The following RARB variants were observed in gnomAD, a reference collection of about 807,000 sequenced individuals.
The protein encoded by RARB is HBV-activated protein.
In RARB, 17 loss-of-function variants were observed where a neutral mutation model predicts 51.9. The observed-to-expected ratio is 0.33, with a 90% CI of 0.22 to 0.49. RARB has a LOEUF of 0.49. Among genes scored for constraint, RARB ranks in the 20% least tolerant of loss-of-function variants. The pLI is 0.99. For missense variants in RARB, 369 were observed against 550.8 expected, an observed-to-expected ratio of 0.67 and a Z score of 3.30; for synonymous variants, 215 against 195.4, an observed-to-expected ratio of 1.10 and a Z score of -0.84.
At chr3:25,427,232 C>T (rs372591667), upstream of RARB, among the ~76,000 whole-genome samples, 15 of 152,226 alleles carry the variant, frequency 9.9e-5, no homozygotes, top group African/African-American at 3.6e-4. Flanking sequence ...GGTCTCATCT[C>T]CCCGGGGTTT....
chr3:25,271,078 A>G (rs1473840375), intron 5 of RARB, among the ~76,000 whole-genome samples: 1 of 152,188 alleles, frequency 6.6e-6, no homozygotes, highest in Non-Finnish European at 1.5e-5. Context: ...TAGCATTGGC[A>G]ATTAGAACAT....
At chr3:25,296,064 A>C (rs1174112298) in intron 5 of RARB, among the ~76,000 whole-genome samples, 1 of 152,198 alleles carries the variant, frequency 6.6e-6, no homozygotes, top group Non-Finnish European at 1.5e-5. Context: ...TCAACTGTCT[A>C]AGCAAAGTAT....
intron 2 of RARB, among the ~76,000 whole-genome samples, chr3:24,914,883 G>C (rs895639217): frequency 1.3e-5 from 2 of 152,210 alleles, no homozygotes; most frequent in African/African-American, 4.8e-5. Context: ...TTAACCACCT[G>C]TGCACTATAA....
At chr3:25,210,026 T>G (rs187377436) in intron 5 of RARB, among the ~76,000 whole-genome samples, 20 of 152,318 alleles carry the variant, frequency 1.3e-4, no homozygotes, top group Non-Finnish European at 2.2e-4. Context: ...CCACAAGACA[T>G]TCTCAGGTGT....
At chr3:24,918,681 A>C (rs894920643) in intron 2 of RARB, among the ~76,000 whole-genome samples, 1 of 152,136 alleles carries the variant, frequency 6.6e-6, no homozygotes, top group African/African-American at 2.4e-5. Flanking sequence ...TCAGGAGTTC[A>C]AGACCATCCT....
At chr3:25,082,939 C>T (rs1035905657) in intron 3 of RARB, among the ~76,000 whole-genome samples, 4 of 152,006 alleles carry the variant, frequency 2.6e-5, no homozygotes, top group African/African-American at 7.2e-5. Context: ...GTTGGATATA[C>T]AGCTCCAGCT....
intron 5 of RARB, among the ~76,000 whole-genome samples, chr3:25,381,135 G>C (rs1466098226): frequency 6.6e-6 from 1 of 152,130 alleles, no homozygotes; most frequent in East Asian, 1.9e-4. Flanking sequence ...ACAGGGTATA[G>C]GCAAATGAGA....
chr3:25,413,785 C>T (rs1351600176), intron 5 of RARB, among the ~76,000 whole-genome samples: 2 of 152,124 alleles, frequency 1.3e-5, no homozygotes, highest in African/African-American at 4.8e-5. Context: ...GGCTTGTTGG[C>T]ATTGAGCTGC....
At chr3:25,328,828 T>C (rs1013462039) in intron 5 of RARB, among the ~76,000 whole-genome samples, 1 of 152,186 alleles carries the variant, frequency 6.6e-6, no homozygotes, top group African/African-American at 2.4e-5. Context: ...GCCACCCTAA[T>C]ACTGTGCTTT....
At chr3:25,124,347 C>T (rs1699830049) in intron 3 of RARB, among the ~76,000 whole-genome samples, 3 of 152,184 alleles carry the variant, frequency 2.0e-5, no homozygotes, top group African/African-American at 7.2e-5. Context: ...GCATTTCAGC[C>T]TGAGTGACAG....
At chr3:25,233,129 C>T (rs1317223877) in intron 5 of RARB, among the ~76,000 whole-genome samples, 2 of 151,732 alleles carry the variant, frequency 1.3e-5, no homozygotes, top group African/African-American at 4.8e-5. Context: ...GCACGTGCCA[C>T]CATACCTGGC....
At chr3:25,087,730 A>C (rs1166374731) in intron 3 of RARB, among the ~76,000 whole-genome samples, 1 of 152,094 alleles carries the variant, frequency 6.6e-6, no homozygotes, top group African/African-American at 2.4e-5. Flanking sequence ...TACAGGTACG[A>C]ACAATTTTTG....
chr3:25,480,909 G>A (rs983455037), intron 2 of RARB, among the ~76,000 whole-genome samples: 4 of 152,096 alleles, frequency 2.6e-5, no homozygotes, highest in African/African-American at 7.2e-5. Flanking sequence ...TCAAAGGATC[G>A]ATTAATTGAT....
At chr3:25,385,200 C>T (rs541680760) in intron 5 of RARB, among the ~76,000 whole-genome samples, 44 of 152,314 alleles carry the variant, frequency 2.9e-4, no homozygotes, top group African/African-American at 1.0e-3. Flanking sequence ...AAGATTCAGA[C>T]TATTCCCTTT....
intron 5 of RARB, among the ~76,000 whole-genome samples, chr3:25,367,899 C>T (rs190203550): frequency 9.9e-5 from 15 of 151,454 alleles, no homozygotes; most frequent in Admixed American, 2.6e-4. Context: ...GGGGGAGTAT[C>T]GAAGTAGACA....
chr3:25,422,558 A>C (rs1036696377), intron 5 of RARB, among the ~76,000 whole-genome samples: 5 of 152,166 alleles, frequency 3.3e-5, no homozygotes, highest in Admixed American at 1.3e-4. Flanking sequence ...GTGGAAGAAC[A>C]GGGGTATCTG....
intron 3 of RARB, among the ~76,000 whole-genome samples, chr3:25,114,578 G>A (rs1362982762): frequency 6.6e-6 from 1 of 152,090 alleles, no homozygotes; most frequent in Non-Finnish European, 1.5e-5. Context: ...TGTAAAATCG[G>A]GATCCAGCAT....
At chr3:25,133,194 G>A (rs939844762) in intron 4 of RARB, among the ~76,000 whole-genome samples, 4 of 151,886 alleles carry the variant, frequency 2.6e-5, no homozygotes, top group African/African-American at 4.8e-5. Flanking sequence ...TAAGATGTTC[G>A]TAAATATCTT....
At chr3:25,270,999 C>A (rs1230349290) in intron 5 of RARB, among the ~76,000 whole-genome samples, 1 of 152,158 alleles carries the variant, frequency 6.6e-6, no homozygotes, top group East Asian at 1.9e-4. Context: ...TTGACCAGAT[C>A]TTCTTTTATT....
Sources: gnomAD v4.1 joint callset for allele counts (sites outside exome capture counted in the v4.1 genomes callset) on GRCh38, gnomAD v4.1.1 for gene constraint, MANE v1.5 for transcripts, NCBI Gene and HGNC (gene_info 2026-07-23, HGNC 2026-07-21) for gene names.